Variants in SULT1C3 observed in about 807,000 individuals in gnomAD.
SULT1C3 encodes sulfotransferase family 1C member 3.
Under a neutral mutation model 28.4 loss-of-function variants are expected in SULT1C3, and 31 were observed. The observed-to-expected ratio is 1.09, with a 90% CI of 0.82 to 1.47. SULT1C3 has a LOEUF of 1.47. SULT1C3 is among the 40% of genes most tolerant of loss of function. The pLI is 0.00. For missense variants in SULT1C3, 307 were observed against 272.5 expected (o/e 1.13, Z -0.89); for synonymous variants, 106 against 92.2 (o/e 1.15, Z -0.86).
At chr2:108,247,749 C>A (rs1675624396) in intron 2 of SULT1C3, among the ~76,000 whole-genome samples, 1 of 152,148 alleles carries the variant, frequency 6.6e-6, no homozygotes, top group African/African-American at 2.4e-5. Context: ...AGATATTAAA[C>A]ACAAATTGAT....
intron 1 of SULT1C3, among the ~76,000 whole-genome samples, chr2:108,245,642 C>T (rs1465088418): frequency 3.3e-5 from 5 of 152,044 alleles, no homozygotes; most frequent in African/African-American, 4.8e-5. Flanking sequence ...GCACACAACG[C>T]GGGGACCCTG....
At chr2:108,254,744 C>T (rs1056676774) in intron 4 of SULT1C3, among the ~76,000 whole-genome samples, 2 of 114,964 alleles carry the variant, frequency 1.7e-5, no homozygotes, top group African/African-American at 8.6e-5. Flanking sequence ...TGTATGTATG[C>T]ATACATATGT....
At chr2:108,248,180 C>T (rs1332606186) in intron 2 of SULT1C3, among the ~76,000 whole-genome samples, 7 of 152,088 alleles carry the variant, frequency 4.6e-5, no homozygotes, top group South Asian at 2.1e-4. Flanking sequence ...CAAGAACCAA[C>T]GTGAAGGGGC....
intron 4 of SULT1C3, among the ~76,000 whole-genome samples, chr2:108,254,302 C>T (rs2104389155): frequency 6.6e-6 from 1 of 152,142 alleles, no homozygotes; most frequent in Admixed American, 6.5e-5. Flanking sequence ...ACACCTTCCA[C>T]ATGCTCTCAT....
chr2:108,254,297 TTCCACATGCTC>T (rs1675806553), intron 4 of SULT1C3, among the ~76,000 whole-genome samples: 1 of 151,994 alleles, frequency 6.6e-6, no homozygotes, highest in Non-Finnish European at 1.5e-5. Flanking sequence ...TCCCCACACC[TTCCACATGCTC>T]TCATCTGACT....
chr2:108,244,477 C>T (rs1199299911), intron 1 of SULT1C3, among the ~76,000 whole-genome samples: 1 of 152,086 alleles, frequency 6.6e-6, no homozygotes, highest in African/African-American at 2.4e-5. Flanking sequence ...GGTGTTTTGC[C>T]TATATTTTTG....
At chr2:108,250,372 C>G (rs759771913) in intron 2 of SULT1C3, among the ~76,000 whole-genome samples, 3 of 151,970 alleles carry the variant, frequency 2.0e-5, no homozygotes, top group Admixed American at 6.6e-5. Context: ...TGAAATACCA[C>G]TACACACCAC....
chr2:108,247,744 T>A (rs1675624330), intron 2 of SULT1C3, among the ~76,000 whole-genome samples: 1 of 152,196 alleles, frequency 6.6e-6, no homozygotes, highest in Non-Finnish European at 1.5e-5. Context: ...ATCTCAGATA[T>A]TAAACACAAA....
chr2:108,240,645 T>C (rs1389108392), intron 1 of SULT1C3, among the ~76,000 whole-genome samples: 2 of 152,178 alleles, frequency 1.3e-5, no homozygotes, highest in Non-Finnish European at 2.9e-5. Flanking sequence ...ACATTACCCA[T>C]CCCTTTTTGT....
At chr2:108,255,817 T>G in intron 5 of SULT1C3, 119 bp downstream of exon 5, 2 of 1,298,542 alleles carry the variant, frequency 1.5e-6, no homozygotes, top group Non-Finnish European at 2.0e-6. Flanking sequence ...CCTATCTTGA[T>G]GATCTGGGAC....
intron 6 of SULT1C3, 21 bp from the exon 7 acceptor site, chr2:108,258,945 G>T: frequency 1.3e-6 from 1 of 764,724 alleles, no homozygotes. Context: ...TCTTCACAAT[G>T]CCTTTTTCTC....
chr2:108,243,341 T>C (rs1675506149), intron 1 of SULT1C3, among the ~76,000 whole-genome samples: 1 of 152,100 alleles, frequency 6.6e-6, no homozygotes, highest in Non-Finnish European at 1.5e-5. Context: ...TCTTAAGATA[T>C]GTTTCCAGGG....
intron 4 of SULT1C3, 29 bp from the exon 5 acceptor site, chr2:108,255,543 A>G: frequency 6.2e-6 from 10 of 1,605,732 alleles, no homozygotes; most frequent in Non-Finnish European, 8.5e-6. Flanking sequence ...TTTTCTCTCC[A>G]TGGCTTCCTT....
chr2:108,254,770 T>TATGCATATATATGTGTATATGTATGC (rs1675823714), intron 4 of SULT1C3, among the ~76,000 whole-genome samples: 1 of 150,322 alleles, frequency 6.7e-6, no homozygotes, highest in African/African-American at 2.5e-5. Context: ...TATATGTATG[T>TATGCATATATATGTGTATATGTATGC]ATGCATATAT....
At position 108,252,509 on chromosome 2, in the gene SULT1C3, G is replaced by A. The variant is rs369368060; in HGVS notation, c.301+16G>A. The A allele has an allele frequency of 1.4e-4, 223 of 1,610,620 alleles. No homozygotes were observed. In the East Asian group the frequency reaches 2.0e-3, roughly 15 times the overall value. On this transcript the variant is annotated intron_variant, in intron 3 of 7. Coordinates refer to ENST00000681802, the MANE Select transcript of SULT1C3 (RefSeq NM_001320878.2). ...GAAAAACCAGGTGAGTAATATGCAC[G>A]AAGATAGAAAGGACTTTCACTTCAG...
intron 1 of SULT1C3, among the ~76,000 whole-genome samples, chr2:108,241,835 G>C (rs1446872637): frequency 6.6e-6 from 1 of 151,450 alleles, no homozygotes; most frequent in Non-Finnish European, 1.5e-5. Flanking sequence ...GCTGAGGCAG[G>C]AGAATGGCAT....
rs1262395014 is a variant in SULT1C3 at position 108,255,710 on chromosome 2, C to A, written c.526+12C>A. On this transcript the variant is annotated intron_variant, in intron 5 of 7. Coordinates refer to ENST00000681802, the MANE Select transcript of SULT1C3 (RefSeq NM_001320878.2). ...CATGTCCGGAAAAGGTGAGTTCAAACTGATCTTTTTGGTACCCTCTTTCAG... is the reference window on the plus strand; with the variant it reads ...CATGTCCGGAAAAGGTGAGTTCAAAATGATCTTTTTGGTACCCTCTTTCAG... 3 of 1,607,660 alleles carry A rather than the reference C, an allele frequency of 1.9e-6. No individual in the cohort carries two copies. Among genetic ancestry groups the A allele is most frequent in the Non-Finnish European group, 2.6e-6 (3 of 1,176,310 alleles).
chr2:108,246,098 C>T (rs1404593179), intron 1 of SULT1C3, among the ~76,000 whole-genome samples: 3 of 152,146 alleles, frequency 2.0e-5, no homozygotes, highest in Admixed American at 2.0e-4. Context: ...ACAAGATTCT[C>T]ATCTCCATCT....
At chr2:108,243,071 T>C (rs1675500414) in intron 1 of SULT1C3, among the ~76,000 whole-genome samples, 1 of 152,198 alleles carries the variant, frequency 6.6e-6, no homozygotes, top group Non-Finnish European at 1.5e-5. Context: ...AAAGTAACCT[T>C]ACAGGTGAAA....
Sources: gnomAD v4.1 joint callset for allele counts (sites outside exome capture counted in the v4.1 genomes callset) on GRCh38, gnomAD v4.1.1 for gene constraint, MANE v1.5 for transcripts, NCBI Gene and HGNC (gene_info 2026-07-23, HGNC 2026-07-21) for gene names.